Variants in MARK4 observed in about 807,000 individuals in gnomAD.
MARK4 encodes microtubule affinity regulating kinase 4.
A neutral mutation model predicts 81.5 loss-of-function variants in MARK4; 19 were observed. The observed-to-expected ratio is 0.23, with a 90% CI of 0.16 to 0.34. The LOEUF (loss-of-function observed/expected upper bound fraction) is 0.34. MARK4 is among the 10% of genes least tolerant of loss of function. The pLI is 1.00. For missense variants in MARK4, 772 were observed against 1,058.8 expected (o/e 0.73, Z 3.76); for synonymous variants, 436 against 439.0 (o/e 0.99, Z 0.08).
intron 8 of MARK4, among the ~76,000 whole-genome samples, chr19:45,273,430 A>T (rs546672326): frequency 6.6e-6 from 1 of 152,320 alleles, no homozygotes; most frequent in African/African-American, 2.4e-5. Context: ...CAGGAAATAC[A>T]GCAGTGGTAT....
rs1304549957 is a variant in MARK4, at chr19:45,263,164, A to C, written c.304A>C (p.Lys102Gln). The C allele has an allele frequency of 6.2e-7, 1 of 1,609,838 alleles. No homozygotes were observed. The highest frequency in any genetic ancestry group is 1.1e-5 in the South Asian group (1 of 90,448). Residue 102 changes from lysine to glutamine, a missense_variant and splice_region_variant, in exon 3 of 17, where the codon AAG becomes CAG. Lys to Gln is a moderately conservative substitution (Grantham distance 53). Coordinates refer to ENST00000262891, the MANE Select transcript of MARK4 (RefSeq NM_001199867.2). ...KTQLNPSSLQ[K>Q]LFREVRIMKG... ...CCAGCTGAATCCCAGCAGCCTGCAG[A>C]AGGTGAGGCTGGGGAGACGGGGGAG...
At chr19:45,297,048 CAAAAAAAA>C (rs35511511) in intron 14 of MARK4, among the ~76,000 whole-genome samples, 1 of 90,584 alleles carries the variant, frequency 1.1e-5, no homozygotes, top group African/African-American at 3.9e-5. Flanking sequence ...GACTCTGTCT[CAAAAAAAA>C]AAAAAAAAAA....
At chr19:45,298,740 T>C (rs1970925579) in intron 15 of MARK4, among the ~76,000 whole-genome samples, 1 of 152,064 alleles carries the variant, frequency 6.6e-6, no homozygotes, top group South Asian at 2.1e-4. Flanking sequence ...AAAATATACT[T>C]ACTATATAGA....
rs373821869 is a variant in MARK4 at position 45,263,182 on chromosome 19, C to T, written c.306+16C>T. Reference sequence around the variant, plus strand: ...CCTGCAGAAGGTGAGGCTGGGGAGACGGGGGAGAGCAGGAGCCAGGCTTCC... The same window carrying T: ...CCTGCAGAAGGTGAGGCTGGGGAGATGGGGGAGAGCAGGAGCCAGGCTTCC... On this transcript the variant is annotated intron_variant, in intron 3 of 16. Transcript: ENST00000262891. The T allele has an allele frequency of 3.2e-5, 52 of 1,610,426 alleles. 1 individual carries two copies. The highest frequency in any genetic ancestry group is 3.8e-5 in the Non-Finnish European group (45 of 1,178,328).
intron 8 of MARK4, among the ~76,000 whole-genome samples, chr19:45,276,944 C>T (rs917353263): frequency 2.0e-5 from 3 of 150,150 alleles, no homozygotes; most frequent in Non-Finnish European, 3.0e-5. Flanking sequence ...CACATTTTTA[C>T]GGATATTAAC....
Position 45,259,197 on chromosome 19 carries a change from T to C in MARK4, c.252+8T>C. The stretch of plus-strand genomic sequence containing the variant: ...ATCCTCACTGGTCGGGAGGTGAGTA[T>C]GGGCACAGGGTGGGGCTCGGGGCAG... On this transcript the variant is annotated splice_region_variant and intron_variant, in intron 2 of 16. Transcript: ENST00000262891. 6.2e-7 allele frequency: 1 copy of C among 1,613,594 alleles called. No individual in the cohort carries two copies. Among genetic ancestry groups the C allele is most frequent in the Non-Finnish European group, 8.5e-7 (1 of 1,179,898 alleles).
At chr19:45,253,190 C>A (rs563297914) in intron 1 of MARK4, among the ~76,000 whole-genome samples, 5 of 138,456 alleles carry the variant, frequency 3.6e-5, no homozygotes, top group African/African-American at 8.2e-5. Flanking sequence ...CAGACCCCCC[C>A]ACACACACAC....
chr19:45,269,489 G>C (rs774268300), intron 7 of MARK4, among the ~76,000 whole-genome samples: 2 of 152,174 alleles, frequency 1.3e-5, no homozygotes, highest in Non-Finnish European at 2.9e-5. Flanking sequence ...CTTTATTGGG[G>C]CAGGAGCTGG....
rs200800969 is a variant in MARK4 at position 45,282,332 on chromosome 19, C to T, written c.1276+1598C>T. Reference sequence around the variant, plus strand: ...CACACTCATCAAATTTTAACCCTCTCTTCTATTTTTTTTAACGGCTTTATT... The same window carrying T: ...CACACTCATCAAATTTTAACCCTCTTTTCTATTTTTTTTAACGGCTTTATT... On this transcript the variant is annotated intron_variant, in intron 12 of 16. Coordinates refer to ENST00000262891, the MANE Select transcript of MARK4 (RefSeq NM_001199867.2). Among the ~76,000 whole-genome samples the T allele has an allele frequency of 9.2e-5, 14 of 152,086 alleles. No individual in the cohort carries two copies. In the East Asian group the frequency reaches 2.3e-3, roughly 25 times the overall value.
At chr19:45,282,128 CAGG>C (rs1292996733) in intron 12 of MARK4, among the ~76,000 whole-genome samples, 2 of 151,126 alleles carry the variant, frequency 1.3e-5, no homozygotes, top group Admixed American at 6.6e-5. Flanking sequence ...GAGGCTGAAG[CAGG>C]AGAATTGCTT....
At chr19:45,254,486 G>T (rs1970282845) in intron 1 of MARK4, among the ~76,000 whole-genome samples, 1 of 152,222 alleles carries the variant, frequency 6.6e-6, no homozygotes, top group African/African-American at 2.4e-5. Context: ...GCCTGGGCCT[G>T]TGGGGAAGCC....
In MARK4 at chr19:45,303,628, C is replaced by CTT. The variant is rs1401709895; in HGVS notation, c.*919_*920insTT. 1 of 152,200 alleles carries CTT rather than the reference C, an allele frequency of 6.6e-6. No homozygotes were observed. The highest frequency in any genetic ancestry group is 1.5e-5 in the Non-Finnish European group (1 of 68,058). The allele number at this position is 152,200 out of a possible 1,614,324, so 9.4% of individuals were successfully genotyped here. A position where few individuals can be genotyped will look rare whatever the true frequency, so the allele number is the denominator to read the frequency against. The stretch of plus-strand genomic sequence containing the variant: ...CCCAGCCACCATGTTACACTGGACT[C>CTT]TAAGCCACTTCTTACTCCAGTAGTA... On this transcript the variant is annotated 3_prime_UTR_variant, in exon 17 of 17. Coordinates refer to ENST00000262891, the MANE Select transcript of MARK4 (RefSeq NM_001199867.2).
intron 12 of MARK4, among the ~76,000 whole-genome samples, chr19:45,284,224 T>G (rs1353718902): frequency 6.6e-6 from 1 of 152,046 alleles, no homozygotes; most frequent in Admixed American, 6.6e-5. Context: ...GCCTGGCTGG[T>G]CTTGAATTCC....
intron 1 of MARK4, among the ~76,000 whole-genome samples, chr19:45,254,014 C>A (rs1448555420): frequency 6.6e-6 from 1 of 152,160 alleles, no homozygotes; most frequent in East Asian, 1.9e-4. Flanking sequence ...GTCACTAAGA[C>A]CTGCCTGTCA....
rs1971010366 is a variant in MARK4 at position 45,303,639 on chromosome 19, C to G, written c.*929C>G. The G allele has an allele frequency of 6.6e-6, 1 of 152,202 alleles. No homozygotes were observed. Among genetic ancestry groups the G allele is most frequent in the African/African-American group, 2.4e-5 (1 of 41,446 alleles). 9.4% of individuals were successfully genotyped at this position (152,202 alleles called of 1,614,324 possible). On this transcript the variant is annotated 3_prime_UTR_variant, in exon 17 of 17. Coordinates refer to ENST00000262891, the MANE Select transcript of MARK4 (RefSeq NM_001199867.2). ...TGTTACACTGGACTCTAAGCCACTTCTTACTCCAGTAGTAAATTTATTCAA... is the reference window on the plus strand; with the variant it reads ...TGTTACACTGGACTCTAAGCCACTTGTTACTCCAGTAGTAAATTTATTCAA...
intron 12 of MARK4, among the ~76,000 whole-genome samples, chr19:45,283,388 G>A (rs537335257): frequency 3.3e-5 from 4 of 121,398 alleles, no homozygotes; most frequent in East Asian, 2.8e-4. Flanking sequence ...TAGCCTGGGC[G>A]ATAAGAGTGA....
chr19:45,283,274 T>C (rs192584312), intron 12 of MARK4, among the ~76,000 whole-genome samples: 1 of 151,808 alleles, frequency 6.6e-6, no homozygotes, highest in African/African-American at 2.4e-5. Flanking sequence ...CCGGGCGTAG[T>C]GGCAGGCGTC....
intron 12 of MARK4, among the ~76,000 whole-genome samples, chr19:45,284,815 C>T (rs1453137962): frequency 2.6e-5 from 4 of 151,488 alleles, no homozygotes; most frequent in South Asian, 2.1e-4. Flanking sequence ...TTAGGCTGGG[C>T]GCAGTGGCTC....
intron 15 of MARK4, chr19:45,298,163 A>G: frequency 6.2e-7 from 1 of 1,613,320 alleles, no homozygotes; most frequent in Non-Finnish European, 8.5e-7. Context: ...GATCCCTCTA[A>G]ACGGCAGAAC....
Sources: gnomAD v4.1 joint callset for allele counts (sites outside exome capture counted in the v4.1 genomes callset) on GRCh38, gnomAD v4.1.1 for gene constraint, MANE v1.5 for transcripts, NCBI Gene and HGNC (gene_info 2026-07-23, HGNC 2026-07-21) for gene names.